CNTNAP2: variants seen among roughly 807,000 people sequenced by gnomAD.
The protein encoded by CNTNAP2 is contactin-associated protein-like 2.
CNTNAP2 carries 98 observed loss-of-function variants against 155.2 expected under a neutral mutation model. That is an observed-to-expected ratio of 0.63 (90% CI 0.54 to 0.75). The LOEUF is 0.75. Ranked by LOEUF, CNTNAP2 falls within the 30% of genes least tolerant of loss-of-function variation. The pLI, the probability that CNTNAP2 is intolerant of heterozygous loss-of-function variation, is 0.00. For synonymous variants in CNTNAP2, 651 were observed against 631.2 expected, an observed-to-expected ratio of 1.03 and a Z score of -0.47; for missense variants, 1,727 against 1,688.1, an observed-to-expected ratio of 1.02 and a Z score of -0.40.
intron 7 of CNTNAP2, among the ~76,000 whole-genome samples, chr7:147,130,631 T>C (rs889072063): frequency 6.6e-6 from 1 of 152,180 alleles, no homozygotes. Flanking sequence ...TAGGACATTT[T>C]GCAAGCAACC....
chr7:147,695,974 T>C (rs147474361), intron 13 of CNTNAP2, among the ~76,000 whole-genome samples: 2,507 of 152,304 alleles, frequency 0.016, 222 homozygotes, highest in Admixed American at 0.15. Flanking sequence ...ATCTGCTCTG[T>C]CTGAAATTAA....
intron 1 of CNTNAP2, among the ~76,000 whole-genome samples, chr7:146,316,559 A>C (rs1326565825): frequency 2.0e-5 from 3 of 152,158 alleles, no homozygotes; most frequent in Non-Finnish European, 4.4e-5. Context: ...ATATTAAAAA[A>C]AATTATGTCA....
chr7:147,346,228 C>T (rs1213914303), intron 9 of CNTNAP2, among the ~76,000 whole-genome samples: 1 of 150,050 alleles, frequency 6.7e-6, no homozygotes, highest in Non-Finnish European at 1.5e-5. Context: ...AATCTCGGCT[C>T]ACTGCAAGCT....
chr7:147,296,431 A>G (rs1355487493), intron 8 of CNTNAP2, among the ~76,000 whole-genome samples: 9 of 152,238 alleles, frequency 5.9e-5, no homozygotes, highest in Admixed American at 5.2e-4. Flanking sequence ...AACTTCAAGA[A>G]TAAGCCTTTA....
intron 18 of CNTNAP2, among the ~76,000 whole-genome samples, chr7:148,211,673 A>G (rs1205357950): frequency 1.3e-5 from 2 of 152,314 alleles, no homozygotes; most frequent in East Asian, 1.9e-4. Flanking sequence ...TCCCTGTGGG[A>G]GCAGAGTTCC....
At chr7:146,643,089 T>G (rs1372719016) in intron 1 of CNTNAP2, among the ~76,000 whole-genome samples, 1 of 148,000 alleles carries the variant, frequency 6.8e-6, no homozygotes, top group South Asian at 2.2e-4. Context: ...GTTGGGAAAA[T>G]TTTCTCCCAT....
intron 21 of CNTNAP2, among the ~76,000 whole-genome samples, chr7:148,358,260 T>G (rs114605502): frequency 6.6e-6 from 1 of 152,026 alleles, no homozygotes; most frequent in African/African-American, 2.4e-5. Context: ...CTACTAGAGA[T>G]AGTCACTGAA....
intron 1 of CNTNAP2, among the ~76,000 whole-genome samples, chr7:146,229,299 T>C (rs111427545): frequency 0.016 from 2,374 of 152,286 alleles, 55 homozygotes; most frequent in African/African-American, 0.053. Context: ...CAAACTTGTT[T>C]GTCCTTTTAA....
At chr7:146,170,022 T>TC (rs1430293059) in intron 1 of CNTNAP2, among the ~76,000 whole-genome samples, 30 of 148,546 alleles carry the variant, frequency 2.0e-4, no homozygotes, top group Admixed American at 1.7e-3. Flanking sequence ...TCTTTTCTTT[T>TC]TTTTTTTTTT....
chr7:146,972,283 A>C lies in CNTNAP2; in HGVS notation c.403-71624A>C, dbSNP rs183647730. Among the ~76,000 whole-genome samples the C allele has an allele frequency of 6.5e-4, 99 of 152,364 alleles. 1 individual carries two copies. The highest frequency in any genetic ancestry group is 2.9e-5 in the Non-Finnish European group (2 of 68,040). ...CTAGTAATGATACTATATACTATGT[A>C]CATATACAGGTAGCCTAGTATTTCA... On this transcript the variant is annotated intron_variant, in intron 3 of 23. Coordinates refer to ENST00000361727, the MANE Select transcript of CNTNAP2 (RefSeq NM_014141.6).
intron 3 of CNTNAP2, among the ~76,000 whole-genome samples, chr7:146,990,112 A>G (rs1426910474): frequency 1.3e-5 from 2 of 152,180 alleles, no homozygotes; most frequent in Non-Finnish European, 2.9e-5. Flanking sequence ...TTGCAAGAGG[A>G]CATAGTTACA....
chr7:148,250,235 C>A (rs926917418), intron 20 of CNTNAP2, among the ~76,000 whole-genome samples: 1 of 152,190 alleles, frequency 6.6e-6, no homozygotes, highest in Non-Finnish European at 1.5e-5. Flanking sequence ...CTACCCTGAC[C>A]GCCTTATTTA....
At chr7:146,216,647 C>A (rs2116890396) in intron 1 of CNTNAP2, among the ~76,000 whole-genome samples, 1 of 152,310 alleles carries the variant, frequency 6.6e-6, no homozygotes, top group Non-Finnish European at 1.5e-5. Context: ...TACGTAATCC[C>A]ATGCTTATTG....
rs10532740 is a variant in CNTNAP2 at position 148,106,493 on chromosome 7, G to GATATATATATATATATATAT, written c.2384-11617_2384-11598dup. 1.6e-3 allele frequency among the ~76,000 whole-genome samples: 194 copies of GATATATATATATATATATAT among 124,874 alleles called. 3 individuals are homozygous for GATATATATATATATATATAT. The highest frequency in any genetic ancestry group is 7.7e-3 in the Middle Eastern group (2 of 260). 81.9% of individuals were successfully genotyped at this position (124,874 alleles called of 152,430 possible). A position where few individuals can be genotyped will look rare whatever the true frequency, so the allele number is the denominator to read the frequency against. On this transcript the variant is annotated intron_variant, in intron 15 of 23. Coordinates refer to ENST00000361727, the MANE Select transcript of CNTNAP2 (RefSeq NM_014141.6). ...CACTTCAGTGTACTGCACACTTTGA[G>GATATATATATATATATATAT]ATATATATATATATATATATATATA...
At chr7:147,558,697 TTTCC>T (rs151097268) in intron 11 of CNTNAP2, among the ~76,000 whole-genome samples, 6,775 of 148,788 alleles carry the variant, frequency 0.046, 223 homozygotes, top group African/African-American at 0.076. Context: ...TCGTTCGTTC[TTTCC>T]TTCCTTCCTT....
chr7:147,707,113 G>A (rs911385510), intron 13 of CNTNAP2, among the ~76,000 whole-genome samples: 16 of 151,764 alleles, frequency 1.1e-4, no homozygotes, highest in Admixed American at 8.5e-4. Flanking sequence ...CTTTTTTCAA[G>A]GATTTCATAA....
intron 3 of CNTNAP2, among the ~76,000 whole-genome samples, chr7:146,862,722 G>T (rs1020170063): frequency 6.6e-6 from 1 of 152,122 alleles, no homozygotes; most frequent in Non-Finnish European, 1.5e-5. Flanking sequence ...AACTAAACTT[G>T]GCTAGGAATT....
intron 8 of CNTNAP2, among the ~76,000 whole-genome samples, chr7:147,257,601 C>A (rs1024860570): frequency 1.3e-5 from 2 of 152,198 alleles, no homozygotes; most frequent in Non-Finnish European, 2.9e-5. Context: ...ACGGTACCGC[C>A]ATCAGGCATT....
At chr7:147,837,614 C>T (rs1798654423) in intron 13 of CNTNAP2, among the ~76,000 whole-genome samples, 1 of 152,134 alleles carries the variant, frequency 6.6e-6, no homozygotes, top group Non-Finnish European at 1.5e-5. Flanking sequence ...GTCCCTTCTG[C>T]CTATGAGCCA....
Sources: gnomAD v4.1 joint callset for allele counts (sites outside exome capture counted in the v4.1 genomes callset) on GRCh38, gnomAD v4.1.1 for gene constraint, MANE v1.5 for transcripts, NCBI Gene and HGNC (gene_info 2026-07-23, HGNC 2026-07-21) for gene names.